Variants in LYPLAL1 observed in about 807,000 individuals in gnomAD.
The protein encoded by LYPLAL1 is lysophospholipase-like protein 1.
Under a neutral mutation model 19.7 loss-of-function variants are expected in LYPLAL1, and 23 were observed. That is an observed-to-expected ratio of 1.17 (90% CI 0.84 to 1.65). The LOEUF (loss-of-function observed/expected upper bound fraction) is 1.65, where lower values mean the gene tolerates loss of function less well. LYPLAL1 is among the 40% of genes most tolerant of loss of function. LYPLAL1 has a pLI of 0.00. For missense variants in LYPLAL1, 355 were observed against 279.4 expected, an observed-to-expected ratio of 1.27 and a Z score of -1.93; for synonymous variants, 119 against 96.3, an observed-to-expected ratio of 1.24 and a Z score of -1.38.
chr1:219,369,302 C>T, the LYPLAL1 span, among the ~76,000 whole-genome samples: 11 of 152,332 alleles, frequency 7.2e-5, no homozygotes, highest in Middle Eastern at 3.4e-3. Context: ...GACAGAGTCT[C>T]GCTCTGTCAC....
chr1:219,207,696 T>C (rs1658681602), intron 3 of LYPLAL1, among the ~76,000 whole-genome samples: 1 of 152,164 alleles, frequency 6.6e-6, no homozygotes, highest in Admixed American at 6.5e-5. Context: ...GTTAAGTCTT[T>C]ATGTCCCAGA....
At chr1:219,317,875 A>G in the LYPLAL1 span, among the ~76,000 whole-genome samples, 30 of 152,310 alleles carry the variant, frequency 2.0e-4, no homozygotes, top group African/African-American at 6.7e-4. Context: ...GCAGCCTTTA[A>G]GATCCATAGC....
intron 2 of LYPLAL1, among the ~76,000 whole-genome samples, chr1:219,188,193 G>A (rs1464396803): frequency 6.6e-6 from 1 of 151,796 alleles, no homozygotes; most frequent in East Asian, 1.9e-4. Context: ...AAAGAATGAA[G>A]TCCCTGCTCT....
chr1:219,349,218 C>T, the LYPLAL1 span, among the ~76,000 whole-genome samples: 1 of 152,132 alleles, frequency 6.6e-6, no homozygotes, highest in East Asian at 1.9e-4. Flanking sequence ...TATTTTAGTG[C>T]TCTTGAAAGT....
the LYPLAL1 span, among the ~76,000 whole-genome samples, chr1:219,258,352 A>G: frequency 6.6e-6 from 1 of 152,054 alleles, no homozygotes; most frequent in South Asian, 2.1e-4. Flanking sequence ...AAGGCACAAG[A>G]AATTATAAGA....
At chr1:219,436,510 A>G in the LYPLAL1 span, among the ~76,000 whole-genome samples, 1 of 152,066 alleles carries the variant, frequency 6.6e-6, no homozygotes, top group African/African-American at 2.4e-5. Flanking sequence ...CTAAAAGATA[A>G]ATCTGCCTGC....
At chr1:219,262,349 G>A in the LYPLAL1 span, among the ~76,000 whole-genome samples, 1 of 151,950 alleles carries the variant, frequency 6.6e-6, no homozygotes, top group Non-Finnish European at 1.5e-5. Flanking sequence ...CTTTATCTGA[G>A]AATTCAGAGA....
At chr1:219,382,929 C>G in the LYPLAL1 span, among the ~76,000 whole-genome samples, 17 of 151,654 alleles carry the variant, frequency 1.1e-4, no homozygotes, top group South Asian at 3.1e-3. Context: ...CCCACCTACT[C>G]GGTGCAATAT....
intron 2 of LYPLAL1, among the ~76,000 whole-genome samples, chr1:219,189,354 A>G (rs962740266): frequency 4.0e-5 from 6 of 151,702 alleles, no homozygotes; most frequent in Non-Finnish European, 8.9e-5. Context: ...ATTTTGATTT[A>G]GAACTTCACT....
At chr1:219,175,430 C>T (rs572316196) in intron 1 of LYPLAL1, among the ~76,000 whole-genome samples, 26 of 152,208 alleles carry the variant, frequency 1.7e-4, no homozygotes, top group African/African-American at 6.3e-4. Context: ...CCCAGAAATT[C>T]CCCAACACTG....
chr1:219,433,944 C>A, the LYPLAL1 span, among the ~76,000 whole-genome samples: 1 of 152,162 alleles, frequency 6.6e-6, no homozygotes, highest in East Asian at 1.9e-4. Context: ...ATTATTCACA[C>A]CTGGGCTCCT....
the LYPLAL1 span, among the ~76,000 whole-genome samples, chr1:219,260,084 A>G: frequency 3.3e-5 from 5 of 152,048 alleles, no homozygotes; most frequent in Admixed American, 3.3e-4. Context: ...ATAATTTTAC[A>G]AAACAGCAGA....
chr1:219,335,848 C>G, the LYPLAL1 span, among the ~76,000 whole-genome samples: 1 of 151,666 alleles, frequency 6.6e-6, no homozygotes, highest in Non-Finnish European at 1.5e-5. Context: ...CCAATTAGCA[C>G]AACGAAGTAA....
the LYPLAL1 span, among the ~76,000 whole-genome samples, chr1:219,284,695 C>T: frequency 6.6e-6 from 1 of 152,178 alleles, no homozygotes; most frequent in Admixed American, 6.5e-5. Flanking sequence ...GATGTAGGGA[C>T]TACTGTTACT....
the LYPLAL1 span, among the ~76,000 whole-genome samples, chr1:219,229,325 G>GAGAGAGAC: frequency 3.7e-5 from 4 of 107,756 alleles, no homozygotes; most frequent in African/African-American, 1.2e-4. Flanking sequence ...GAGAGAGAGA[G>GAGAGAGAC]AGAGAGAGAG....
the LYPLAL1 span, among the ~76,000 whole-genome samples, chr1:219,277,612 C>A: frequency 1.3e-5 from 2 of 152,174 alleles, no homozygotes; most frequent in African/African-American, 4.8e-5. Flanking sequence ...TGGAAAACAA[C>A]AAGAATCTGA....
the LYPLAL1 span, among the ~76,000 whole-genome samples, chr1:219,306,759 T>C: frequency 6.7e-6 from 1 of 149,606 alleles, no homozygotes; most frequent in African/African-American, 2.5e-5. Flanking sequence ...GATAGATAGA[T>C]AGATAGATAG....
the LYPLAL1 span, among the ~76,000 whole-genome samples, chr1:219,289,425 A>G: frequency 6.6e-6 from 1 of 152,176 alleles, no homozygotes; most frequent in Non-Finnish European, 1.5e-5. Flanking sequence ...ATTAGGTACT[A>G]TGGGAAGAGA....
At chr1:219,337,677 T>C in the LYPLAL1 span, among the ~76,000 whole-genome samples, 1 of 151,992 alleles carries the variant, frequency 6.6e-6, no homozygotes, top group Admixed American at 6.6e-5. Context: ...AAGGAATCAG[T>C]AAACCATAGC....
Sources: allele counts gnomAD v4.1 joint callset (sites outside exome capture counted in the v4.1 genomes callset), GRCh38; gene constraint gnomAD v4.1.1; transcripts MANE v1.5; gene names NCBI Gene and HGNC (gene_info 2026-07-23, HGNC 2026-07-21).